Variants in IGF1R observed in about 807,000 individuals in gnomAD.
The protein encoded by IGF1R is insulin like growth factor 1 receptor, also known as insulin-like growth factor 1 receptor.
IGF1R carries 44 observed loss-of-function variants against 144.6 expected under a neutral mutation model. The ratio of observed to expected loss-of-function variants is 0.30; its 90% confidence interval spans 0.24 to 0.39. The LOEUF (loss-of-function observed/expected upper bound fraction) is 0.39. IGF1R is among the 10% of genes least tolerant of loss of function. The pLI is 1.00. For missense variants in IGF1R, 1,355 were observed against 1,833.7 expected, an observed-to-expected ratio of 0.74 and a Z score of 4.77; for synonymous variants, 795 against 722.8, an observed-to-expected ratio of 1.10 and a Z score of -1.60.
At chr15:98,925,339 A>G (rs1316483183) in intron 13 of IGF1R, among the ~76,000 whole-genome samples, 5 of 152,266 alleles carry the variant, frequency 3.3e-5, no homozygotes, top group African/African-American at 4.8e-5. Context: ...AAAACAAATT[A>G]TAAGATGTAT....
intron 2 of IGF1R, among the ~76,000 whole-genome samples, chr15:98,776,879 C>T (rs768149093): frequency 5.9e-5 from 9 of 152,150 alleles, no homozygotes; most frequent in South Asian, 2.1e-4. Flanking sequence ...GTGCTCTCAT[C>T]GTCTCAGGTA....
chr15:98,958,220 A>T lies in IGF1R; in HGVS notation c.*778A>T, dbSNP rs1350229392. Reference sequence around the variant, plus strand: ...TCTCATTGCTTCTGACTAGATTATTATTTGGGGGAACTGGACACAATAGGT... The same window carrying T: ...TCTCATTGCTTCTGACTAGATTATTTTTTGGGGGAACTGGACACAATAGGT... On this transcript the variant is annotated 3_prime_UTR_variant, in exon 21 of 21. Coordinates refer to ENST00000650285, the MANE Select transcript of IGF1R (RefSeq NM_000875.5). The T allele has an allele frequency of 8.6e-6, 2 of 231,528 alleles. No individual in the cohort carries two copies. The highest frequency in any genetic ancestry group is 1.7e-5 in the Non-Finnish European group (2 of 117,092). 14.3% of individuals were successfully genotyped at this position (231,528 alleles called of 1,614,324 possible).
At chr15:98,657,031 A>C (rs766110450) in intron 1 of IGF1R, among the ~76,000 whole-genome samples, 26 of 152,250 alleles carry the variant, frequency 1.7e-4, no homozygotes, top group Non-Finnish European at 4.4e-5. Context: ...GCATAACTTG[A>C]AATTTTTCCT....
At chr15:98,727,141 T>TA (rs1439005060) in intron 2 of IGF1R, among the ~76,000 whole-genome samples, 1 of 152,226 alleles carries the variant, frequency 6.6e-6, no homozygotes, top group Non-Finnish European at 1.5e-5. Context: ...TTTAATCTTG[T>TA]AAAAATATCA....
Position 98,802,872 on chromosome 15 carries a change from G to T in IGF1R, c.641-88453G>T, listed in dbSNP as rs551379165. 1.4e-4 allele frequency among the ~76,000 whole-genome samples: 22 copies of T among 152,244 alleles called. 1 individual carries two copies. In the South Asian group the frequency reaches 3.9e-3, roughly 27 times the overall value. On this transcript the variant is annotated intron_variant, in intron 2 of 20. Coordinates refer to ENST00000650285, the MANE Select transcript of IGF1R (RefSeq NM_000875.5). ...TATTATGTTTTCCTAGATAGGAATT[G>T]TGCTACCAAAAATGAAAAGTAAACG...
intron 2 of IGF1R, among the ~76,000 whole-genome samples, chr15:98,880,055 TG>T (rs1009356523): frequency 4.6e-5 from 7 of 152,234 alleles, no homozygotes; most frequent in Non-Finnish European, 2.9e-5. Context: ...TGGTGGTGTT[TG>T]TACAACTCTC....
At chr15:98,714,203 C>T (rs73473483) in intron 2 of IGF1R, among the ~76,000 whole-genome samples, 2,640 of 152,010 alleles carry the variant, frequency 0.017, 73 homozygotes, top group African/African-American at 0.06. Context: ...ATTTTTCCAC[C>T]GCCACGTTCT....
At chr15:98,684,166 C>G (rs1267853341) in intron 1 of IGF1R, among the ~76,000 whole-genome samples, 2 of 152,188 alleles carry the variant, frequency 1.3e-5, no homozygotes, top group Admixed American at 6.5e-5. Context: ...AGTGAGACAA[C>G]TTCTGCCTAA....
chr15:98,701,586 G>T (rs376401846), intron 1 of IGF1R, among the ~76,000 whole-genome samples: 1 of 151,966 alleles, frequency 6.6e-6, no homozygotes, highest in African/African-American at 2.4e-5. Flanking sequence ...TGATCCTACC[G>T]CCTCGGCCTC....
chr15:98,757,706 T>C (rs775637033), intron 2 of IGF1R, among the ~76,000 whole-genome samples: 5 of 152,176 alleles, frequency 3.3e-5, no homozygotes, highest in Non-Finnish European at 5.9e-5. Flanking sequence ...CTTGTTCAAT[T>C]GTTTGTTTTT....
In IGF1R at chr15:98,957,540, G is replaced by C; in HGVS notation, c.*98G>C. 6 of 1,488,112 alleles carry C rather than the reference G, an allele frequency of 4.0e-6. No homozygotes were observed. The South Asian group carries it at 5.7e-5, about 14-fold the overall frequency. The allele number at this position is 1,488,112 out of a possible 1,614,324, so 92.2% of individuals were successfully genotyped here. A position where few individuals can be genotyped will look rare whatever the true frequency, so the allele number is the denominator to read the frequency against. On this transcript the variant is annotated 3_prime_UTR_variant, in exon 21 of 21. Transcript: ENST00000650285. ...TTAACAATCCATTCACAAGCCTCCT[G>C]TACCTCAGTGGATCTTCAGAACTGC...
At chr15:98,953,888 G>C (rs1211692243) in intron 20 of IGF1R, among the ~76,000 whole-genome samples, 1 of 152,172 alleles carries the variant, frequency 6.6e-6, no homozygotes, top group Admixed American at 6.5e-5. Context: ...GACAGGAAGG[G>C]CGCTCCTGCT....
At chr15:98,933,789 C>T (rs12440892) in intron 15 of IGF1R, among the ~76,000 whole-genome samples, 69,141 of 151,580 alleles carry the variant, frequency 0.46, 15,892 homozygotes, top group African/African-American at 0.52. Flanking sequence ...ACGCCTCTGC[C>T]CGTCCGCTGC....
rs1026248711 is a variant in IGF1R at position 98,960,914 on chromosome 15, G to A, written c.*3472G>A. ...AGGCTCGTGGCGTCACGCCCCCCCCGCCAGGGCTGTACCTCCGTCTCCCTG... is the reference window on the plus strand; with the variant it reads ...AGGCTCGTGGCGTCACGCCCCCCCCACCAGGGCTGTACCTCCGTCTCCCTG... On this transcript the variant is annotated 3_prime_UTR_variant, in exon 21 of 21. Transcript: ENST00000650285. 7.3e-5 allele frequency: 17 copies of A among 231,844 alleles called. No individual in the cohort carries two copies. The highest frequency in any genetic ancestry group is 1.3e-4 in the Non-Finnish European group (15 of 117,890). 14.4% of individuals were successfully genotyped at this position (231,844 alleles called of 1,614,324 possible).
chr15:98,855,479 T>C (rs1879612), intron 2 of IGF1R, among the ~76,000 whole-genome samples: 70,515 of 152,100 alleles, frequency 0.46, 17,334 homozygotes, highest in East Asian at 0.82. Context: ...ATGTTATCTA[T>C]GCTATAGGAC....
chr15:98,924,471 C>T, intron 12 of IGF1R, 54 bp from the exon 13 acceptor site: 4 of 1,579,754 alleles, frequency 2.5e-6, no homozygotes, highest in Non-Finnish European at 3.5e-6. Context: ...GTTGGCAGGC[C>T]CCAGATTTCT....
At position 98,835,080 on chromosome 15, in the gene IGF1R, T is replaced by TACACACACACACACAC. The variant is rs34443123; in HGVS notation, c.641-56230_641-56215dup. The stretch of plus-strand genomic sequence containing the variant: ...GGCCAGGGCAAGAGAACACCCCCCC[T>TACACACACACACACAC]ACACACACACACACACACACACACA... On this transcript the variant is annotated intron_variant, in intron 2 of 20. Transcript: ENST00000650285. Among the ~76,000 whole-genome samples, 704 of 130,478 alleles carry TACACACACACACACAC rather than the reference T, an allele frequency of 5.4e-3. 7 individuals are homozygous for TACACACACACACACAC. The highest frequency in any genetic ancestry group is 0.021 in the African/African-American group (660 of 30,758). 85.6% of individuals were successfully genotyped at this position (130,478 alleles called of 152,430 possible). A position where few individuals can be genotyped will look rare whatever the true frequency, so the allele number is the denominator to read the frequency against.
At chr15:98,654,376 G>T (rs1021020792) in intron 1 of IGF1R, among the ~76,000 whole-genome samples, 7 of 152,250 alleles carry the variant, frequency 4.6e-5, no homozygotes, top group Non-Finnish European at 8.8e-5. Flanking sequence ...ACGTTGCATA[G>T]CATGTTTTGA....
At chr15:98,814,815 G>A (rs1474132988) in intron 2 of IGF1R, among the ~76,000 whole-genome samples, 2 of 152,188 alleles carry the variant, frequency 1.3e-5, no homozygotes, top group Admixed American at 6.5e-5. Context: ...TGATATAAGC[G>A]TGGCTCTACC....
Sources: gnomAD v4.1 joint callset for allele counts (sites outside exome capture counted in the v4.1 genomes callset) on GRCh38, gnomAD v4.1.1 for gene constraint, MANE v1.5 for transcripts, NCBI Gene and HGNC (gene_info 2026-07-23, HGNC 2026-07-21) for gene names.